The following RBFOX1 variants were observed in gnomAD, a reference collection of about 807,000 sequenced individuals.
RBFOX1 encodes the protein RNA binding protein fox-1 homolog 1.
Under a neutral mutation model 57.7 loss-of-function variants are expected in RBFOX1, and 8 were observed. The ratio of observed to expected loss-of-function variants is 0.14; its 90% confidence interval spans 0.08 to 0.25. RBFOX1 has a LOEUF of 0.25. Among genes scored for constraint, RBFOX1 ranks in the 10% least tolerant of loss-of-function variants. The pLI is 1.00. For synonymous variants in RBFOX1, 326 were observed against 222.4 expected, an observed-to-expected ratio of 1.47 and a Z score of -4.15; for missense variants, 611 against 548.5, an observed-to-expected ratio of 1.11 and a Z score of -1.14.
At chr16:6,737,330 A>G (rs2070671153) in intron 3 of RBFOX1, among the ~76,000 whole-genome samples, 2 of 151,732 alleles carry the variant, frequency 1.3e-5, no homozygotes, top group South Asian at 4.2e-4. Context: ...TCTTGTTTAG[A>G]AGTATAAAAA....
chr16:7,493,512 T>A (rs890663599), intron 4 of RBFOX1, among the ~76,000 whole-genome samples: 13 of 152,176 alleles, frequency 8.5e-5, no homozygotes, highest in African/African-American at 3.1e-4. Flanking sequence ...GAGAGATTAT[T>A]CTATAGTATC....
rs2065724435 is a variant in RBFOX1, at chr16:5,366,641, CT to C, written c.220-100574del. ...TATGTGAAGAATTGCTTCTGGATGA[CT>C]GACCAGGAGGCTATTCCCGATCTCT... is the stretch of plus-strand genomic sequence containing the variant. On this transcript the variant is annotated intron_variant, in intron 1 of 2. Transcript: ENST00000585867. The C allele has an allele frequency of 9.4e-6, 4 of 424,790 alleles. No individual in the cohort carries two copies. The East Asian group carries it at 2.6e-4, about 27-fold the overall frequency. 26.3% of individuals were successfully genotyped at this position (424,790 alleles called of 1,614,324 possible).
intron 4 of RBFOX1, among the ~76,000 whole-genome samples, chr16:7,426,611 T>A (rs1156405233): frequency 6.6e-6 from 1 of 152,138 alleles, no homozygotes; most frequent in African/African-American, 2.4e-5. Context: ...CCAATAAAAT[T>A]AGGCGCACGC....
intron 1 of RBFOX1, among the ~76,000 whole-genome samples, chr16:6,300,043 C>T (rs917024407): frequency 6.6e-5 from 10 of 152,154 alleles, no homozygotes; most frequent in Non-Finnish European, 1.0e-4. Flanking sequence ...TTTGTGACAA[C>T]ATGGTTGAAC....
At chr16:6,825,768 AGACAC>A (rs2092040886) in intron 3 of RBFOX1, among the ~76,000 whole-genome samples, 1 of 152,116 alleles carries the variant, frequency 6.6e-6, no homozygotes, top group African/African-American at 2.4e-5. Flanking sequence ...GGGGTCCTGA[AGACAC>A]GCAGCTAATG....
chr16:6,654,302 C>A (rs551091488), intron 2 of RBFOX1, among the ~76,000 whole-genome samples: 3 of 152,278 alleles, frequency 2.0e-5, no homozygotes, highest in East Asian at 1.9e-4. Flanking sequence ...GTATGGAGGG[C>A]AGATTATTTT....
intron 1 of RBFOX1, among the ~76,000 whole-genome samples, chr16:6,121,433 T>A (rs2096548392): frequency 6.6e-6 from 1 of 152,162 alleles, no homozygotes; most frequent in South Asian, 2.1e-4. Flanking sequence ...ATGCTTGAAA[T>A]CCTTGATCCT....
intron 4 of RBFOX1, among the ~76,000 whole-genome samples, chr16:7,194,440 C>A (rs188461296): frequency 6.6e-6 from 1 of 152,140 alleles, no homozygotes; most frequent in Non-Finnish European, 1.5e-5. Flanking sequence ...TACAGGATGA[C>A]CGTCTAGTGA....
At chr16:6,661,802 A>G (rs1338745647) in intron 3 of RBFOX1, among the ~76,000 whole-genome samples, 1 of 152,202 alleles carries the variant, frequency 6.6e-6, no homozygotes, top group African/African-American at 2.4e-5. Context: ...TGAAATGTTG[A>G]TTTAGCGGCG....
At chr16:7,432,796 A>T (rs1423894207) in intron 4 of RBFOX1, among the ~76,000 whole-genome samples, 1 of 152,152 alleles carries the variant, frequency 6.6e-6, no homozygotes, top group Non-Finnish European at 1.5e-5. Flanking sequence ...CATTCTGTTG[A>T]TTCCTGGAAC....
At chr16:6,812,120 C>T (rs996319666) in intron 3 of RBFOX1, among the ~76,000 whole-genome samples, 4 of 152,142 alleles carry the variant, frequency 2.6e-5, no homozygotes, top group Non-Finnish European at 4.4e-5. Context: ...GAGAAACTCA[C>T]TACCAAAGCA....
At chr16:7,439,331 CTG>C (rs1182249102) in intron 4 of RBFOX1, among the ~76,000 whole-genome samples, 4 of 150,496 alleles carry the variant, frequency 2.7e-5, no homozygotes, top group African/African-American at 9.8e-5. Context: ...CGTCATGAGT[CTG>C]TACTGGCTAA....
At chr16:6,875,009 G>C (rs757676929) in intron 3 of RBFOX1, among the ~76,000 whole-genome samples, 3 of 152,160 alleles carry the variant, frequency 2.0e-5, no homozygotes, top group Non-Finnish European at 4.4e-5. Flanking sequence ...TTCCAAGTTG[G>C]GCAGAAAATG....
chr16:5,595,631 A>T (rs2047155984), intron 2 of RBFOX1, among the ~76,000 whole-genome samples: 1 of 152,180 alleles, frequency 6.6e-6, no homozygotes, highest in Non-Finnish European at 1.5e-5. Flanking sequence ...GGCTTATTGT[A>T]AGGATTCAGG....
chr16:5,857,919 C>A (rs546157043), intron 3 of RBFOX1, among the ~76,000 whole-genome samples: 1 of 152,122 alleles, frequency 6.6e-6, no homozygotes, highest in South Asian at 2.1e-4. Context: ...CGTACTCCAG[C>A]CTGGGTGACA....
chr16:7,014,709 C>G (rs577716689), intron 3 of RBFOX1, among the ~76,000 whole-genome samples: 42 of 151,982 alleles, frequency 2.8e-4, no homozygotes, highest in Non-Finnish European at 4.4e-4. Flanking sequence ...GGATGATAAA[C>G]TAGAAGCCAA....
intron 4 of RBFOX1, among the ~76,000 whole-genome samples, chr16:7,307,974 C>G (rs371384429): frequency 7.2e-5 from 11 of 152,310 alleles, no homozygotes; most frequent in African/African-American, 2.6e-4. Flanking sequence ...TAATCTTCCA[C>G]GTTCCAAAGT....
intron 1 of RBFOX1, among the ~76,000 whole-genome samples, chr16:6,070,209 C>T (rs1336272599): frequency 6.6e-6 from 1 of 152,162 alleles, no homozygotes; most frequent in African/African-American, 2.4e-5. Context: ...ATGCCATCAT[C>T]CCTGGGGAGA....
chr16:5,784,249 G>A lies in RBFOX1; in HGVS notation c.319-83054G>A, dbSNP rs563264824. ...ATCCTGGCTAACGTGGTGAAACCCC[G>A]TCTCTACTAAAAATACAAAAAAACA... On this transcript the variant is annotated intron_variant, in intron 3 of 19. Transcript: ENST00000641259. Among the ~76,000 whole-genome samples, 450 of 152,180 alleles carry A rather than the reference G, an allele frequency of 3.0e-3. 7 individuals are homozygous for A. In the Middle Eastern group the frequency reaches 0.034, roughly 12 times the overall value.
Sources: gnomAD v4.1 joint callset for allele counts (sites outside exome capture counted in the v4.1 genomes callset) on GRCh38, gnomAD v4.1.1 for gene constraint, MANE v1.5 for transcripts, NCBI Gene and HGNC (gene_info 2026-07-23, HGNC 2026-07-21) for gene names.